PHF21A: variants seen among roughly 807,000 people sequenced by gnomAD.
PHF21A encodes the protein PHD finger protein 21A, also known as BHC80a.
PHF21A carries 11 observed loss-of-function variants against 82.5 expected under a neutral mutation model. The observed-to-expected ratio is 0.13, with a 90% confidence interval of 0.08 to 0.22. PHF21A has a LOEUF of 0.22. Among genes scored for constraint, PHF21A ranks in the 10% least tolerant of loss-of-function variants. The probability of loss-of-function intolerance (pLI) is 1.00; values close to 1 mark genes in which losing one functional copy is unlikely to be tolerated. For synonymous variants in PHF21A, 297 were observed against 302.8 expected (o/e 0.98, Z 0.20); for missense variants, 579 against 837.8 (o/e 0.69, Z 3.81).
chr11:45,957,049 A>G (rs985921917), intron 10 of PHF21A, among the ~76,000 whole-genome samples: 12 of 152,240 alleles, frequency 7.9e-5, no homozygotes, highest in African/African-American at 2.9e-4. Flanking sequence ...CTCATTATAT[A>G]ATATACTGAC....
rs1488544191 is a variant in PHF21A, at chr11:45,930,281, A to G, written c.*3687T>C. ...CTGCAGACACGGTCACCCTCACGGA[A>G]ACAGCTGTGTGTAACCACCTCCATG... is the stretch of plus-strand genomic sequence containing the variant. On this transcript the variant is annotated 3_prime_UTR_variant, in exon 19 of 19. Coordinates refer to ENST00000676320, the MANE Select transcript of PHF21A (RefSeq NM_001352027.3). 6.6e-6 allele frequency: 1 copy of G among 152,280 alleles called. No individual in the cohort carries two copies. The highest frequency in any genetic ancestry group is 1.9e-4 in the East Asian group (1 of 5,194). The allele number at this position is 152,280 out of a possible 1,614,324, so 9.4% of individuals were successfully genotyped here. A position where few individuals can be genotyped will look rare whatever the true frequency, so the allele number is the denominator to read the frequency against.
chr11:46,083,541 T>C (rs1463031828), intron 4 of PHF21A: 1 of 152,194 alleles, frequency 6.6e-6, no homozygotes, highest in East Asian at 1.9e-4. Context: ...TCATCCTTTA[T>C]CACTTTTGAG....
chr11:45,991,617 T>C (rs1282429200), intron 6 of PHF21A, among the ~76,000 whole-genome samples: 2 of 152,000 alleles, frequency 1.3e-5, no homozygotes, highest in African/African-American at 4.8e-5. Flanking sequence ...TTAGAAAAAA[T>C]AAGTAGAGAG....
chr11:45,982,725 C>T (rs936008471), intron 6 of PHF21A, among the ~76,000 whole-genome samples: 2 of 152,044 alleles, frequency 1.3e-5, no homozygotes, highest in African/African-American at 2.4e-5. Flanking sequence ...AACTAGCTAA[C>T]GTGCAGCATC....
intron 1 of PHF21A, among the ~76,000 whole-genome samples, chr11:46,109,019 A>G (rs1469184947): frequency 6.6e-6 from 1 of 152,188 alleles, no homozygotes; most frequent in Non-Finnish European, 1.5e-5. Context: ...CCCAACCAAA[A>G]TCAACATGAA....
intron 6 of PHF21A, among the ~76,000 whole-genome samples, chr11:46,046,282 G>C (rs1215333780): frequency 1.3e-5 from 2 of 152,112 alleles, no homozygotes; most frequent in African/African-American, 4.8e-5. Context: ...ATAGCACTGG[G>C]GCCATCCTCC....
At chr11:45,937,654 T>C (rs1304911901) in intron 16 of PHF21A, among the ~76,000 whole-genome samples, 1 of 152,158 alleles carries the variant, frequency 6.6e-6, no homozygotes, top group Non-Finnish European at 1.5e-5. Context: ...CTAATTTTTA[T>C]ATTTTTAGTA....
At chr11:46,111,288 G>A (rs1166761612) in intron 1 of PHF21A, among the ~76,000 whole-genome samples, 1 of 151,694 alleles carries the variant, frequency 6.6e-6, no homozygotes, top group Non-Finnish European at 1.5e-5. Flanking sequence ...TGGCCAACAT[G>A]GTGAAACCCC....
intron 6 of PHF21A, among the ~76,000 whole-genome samples, chr11:45,995,939 A>C (rs2094893860): frequency 6.6e-6 from 1 of 152,120 alleles, no homozygotes. Flanking sequence ...TTTTTTAAAA[A>C]AATAATTTTT....
At chr11:45,951,450 T>C (rs1025794666) in intron 11 of PHF21A, among the ~76,000 whole-genome samples, 1 of 152,240 alleles carries the variant, frequency 6.6e-6, no homozygotes, top group African/African-American at 2.4e-5. Flanking sequence ...TATTTCTTAT[T>C]TCAAAAACTG....
intron 7 of PHF21A, 59 bp from the exon 8 acceptor site, chr11:45,971,426 A>C: frequency 1.4e-6 from 2 of 1,439,830 alleles, no homozygotes; most frequent in Non-Finnish European, 9.5e-7. Flanking sequence ...AATAAACTAA[A>C]TCCCACTAAA....
chr11:45,984,211 G>A (rs567500533), intron 6 of PHF21A, among the ~76,000 whole-genome samples: 126 of 152,268 alleles, frequency 8.3e-4, no homozygotes, highest in African/African-American at 2.6e-3. Flanking sequence ...GGAAGGGAGA[G>A]AGGGAGAAAA....
intron 11 of PHF21A, among the ~76,000 whole-genome samples, chr11:45,952,520 C>T (rs2092257570): frequency 6.6e-6 from 1 of 152,224 alleles, no homozygotes; most frequent in Non-Finnish European, 1.5e-5. Context: ...GAGCATAATA[C>T]TTGTCATTAA....
intron 10 of PHF21A, among the ~76,000 whole-genome samples, chr11:45,959,234 T>A (rs2092923329): frequency 6.6e-6 from 1 of 152,154 alleles, no homozygotes; most frequent in Admixed American, 6.5e-5. Context: ...AAAGGTTAAC[T>A]ATGTGAGGAG....
At chr11:46,073,181 G>A (rs1397308052) in intron 6 of PHF21A, among the ~76,000 whole-genome samples, 1 of 151,800 alleles carries the variant, frequency 6.6e-6, no homozygotes, top group Non-Finnish European at 1.5e-5. Context: ...ACAAAAAATT[G>A]GCCAGGCGTG....
chr11:46,089,847 A>C (rs1429830491), intron 3 of PHF21A, among the ~76,000 whole-genome samples: 2 of 151,432 alleles, frequency 1.3e-5, no homozygotes, highest in Admixed American at 6.6e-5. Context: ...AGGAATCTCT[A>C]CACAGGTCAT....
At position 46,113,551 on chromosome 11, in the gene PHF21A, C is replaced by T. The variant is rs375722056; in HGVS notation, c.-237+7384G>A. Among the ~76,000 whole-genome samples, 29 of 152,244 alleles carry T rather than the reference C, an allele frequency of 1.9e-4. No individual in the cohort carries two copies. In the East Asian group the frequency reaches 4.0e-3, roughly 21 times the overall value. ...CCACAAAAAGTTTAATTGTTTTGGC[C>T]GGGCGCGGTGGCTCACGCCTGTAAT... On this transcript the variant is annotated intron_variant, in intron 1 of 18. Coordinates refer to ENST00000676320, the MANE Select transcript of PHF21A (RefSeq NM_001352027.3).
intron 6 of PHF21A, among the ~76,000 whole-genome samples, chr11:46,061,191 C>G (rs1463493593): frequency 6.6e-6 from 1 of 152,146 alleles, no homozygotes; most frequent in Non-Finnish European, 1.5e-5. Flanking sequence ...CAGTACCATG[C>G]TGTTTTGGTC....
intron 6 of PHF21A, among the ~76,000 whole-genome samples, chr11:46,034,306 C>T (rs567348258): frequency 1.2e-4 from 18 of 151,034 alleles, no homozygotes; most frequent in African/African-American, 3.9e-4. Flanking sequence ...GACTAATAAC[C>T]CTTTGTCACA....
Sources: gnomAD v4.1 joint callset for allele counts (sites outside exome capture counted in the v4.1 genomes callset) on GRCh38, gnomAD v4.1.1 for gene constraint, MANE v1.5 for transcripts, NCBI Gene and HGNC (gene_info 2026-07-23, HGNC 2026-07-21) for gene names.